Variants in TJP1 observed in about 807,000 individuals in gnomAD.
TJP1 encodes the protein tight junction protein ZO-1.
In TJP1, 43 loss-of-function variants were observed where a neutral mutation model predicts 194.2. That is an observed-to-expected ratio of 0.22 (90% confidence interval 0.17 to 0.29). TJP1 has a LOEUF of 0.29. Ranked by LOEUF, TJP1 falls within the 10% of genes least tolerant of loss-of-function variation. TJP1 has a pLI of 1.00. For synonymous variants in TJP1, 801 were observed against 779.0 expected, an observed-to-expected ratio of 1.03 and a Z score of -0.47; for missense variants, 1,971 against 2,185.7, an observed-to-expected ratio of 0.90 and a Z score of 1.96.
intron 1 of TJP1, among the ~76,000 whole-genome samples, chr15:29,814,706 T>C (rs1161333051): frequency 2.0e-5 from 3 of 152,198 alleles, no homozygotes; most frequent in Non-Finnish European, 4.4e-5. Context: ...CTTATGTTCC[T>C]AATTAGAATC....
chr15:29,968,556 G>C, intron 1 of TJP1: 1 of 805,614 alleles, frequency 1.2e-6, no homozygotes, highest in South Asian at 5.4e-5. Flanking sequence ...CGACAGTCGC[G>C]GCCTCGCCCC....
At chr15:29,744,177 C>CA (rs1049768096) in intron 8 of TJP1, among the ~76,000 whole-genome samples, 21 of 151,274 alleles carry the variant, frequency 1.4e-4, no homozygotes, top group African/African-American at 4.9e-4. Flanking sequence ...GACTCTGTCT[C>CA]AAAAAAAAGA....
At chr15:29,717,356 GTTCTC>G (rs1453010300) in intron 22 of TJP1, among the ~76,000 whole-genome samples, 12 of 152,342 alleles carry the variant, frequency 7.9e-5, no homozygotes, top group African/African-American at 2.9e-4. Flanking sequence ...ATATTAGACA[GTTCTC>G]TTCTTTATCC....
intron 2 of TJP1, among the ~76,000 whole-genome samples, chr15:29,857,611 A>G (rs2051909651): frequency 6.6e-6 from 1 of 152,192 alleles, no homozygotes; most frequent in Non-Finnish European, 1.5e-5. Context: ...GCAGAACTGA[A>G]TACTGATGTC....
At chr15:29,764,312 T>C (rs2046196557) in intron 5 of TJP1, among the ~76,000 whole-genome samples, 1 of 151,914 alleles carries the variant, frequency 6.6e-6, no homozygotes, top group African/African-American at 2.4e-5. Flanking sequence ...AGGGGATGCA[T>C]GGGGTGAGTG....
intron 2 of TJP1, among the ~76,000 whole-genome samples, chr15:29,930,791 T>A (rs568049332): frequency 6.6e-6 from 1 of 152,306 alleles, no homozygotes; most frequent in African/African-American, 2.4e-5. Context: ...TCTGTCATAA[T>A]GTGCAGAGAA....
Position 29,822,408 on chromosome 15 carries a change from G to C in TJP1, c.-380C>G. On this transcript the variant is annotated 5_prime_UTR_variant, in exon 1 of 28. Transcript: ENST00000614355. Reference sequence around the variant, plus strand: ...TTCGCCACGTAACTTCCCGGGAACCGGCGGCCGCCAAGGAACGCGGCGTCC... The same window carrying C: ...TTCGCCACGTAACTTCCCGGGAACCCGCGGCCGCCAAGGAACGCGGCGTCC... 1.0e-6 allele frequency: 1 copy of C among 995,896 alleles called. No homozygotes were observed. The highest frequency in any genetic ancestry group is 1.7e-5 in the African/African-American group (1 of 57,774). 61.7% of individuals were successfully genotyped at this position (995,896 alleles called of 1,614,324 possible).
chr15:29,949,842 CAA>C (rs2055580429), intron 2 of TJP1, among the ~76,000 whole-genome samples: 3 of 59,752 alleles, frequency 5.0e-5, no homozygotes, highest in African/African-American at 7.5e-5. Flanking sequence ...ACCACCTCCA[CAA>C]CCACCACCTC....
intron 2 of TJP1, among the ~76,000 whole-genome samples, chr15:29,834,304 C>A (rs2050952435): frequency 6.6e-6 from 1 of 151,746 alleles, no homozygotes; most frequent in Non-Finnish European, 1.5e-5. Flanking sequence ...TCACTGCATC[C>A]TCCACCTCCC....
At chr15:29,831,603 G>A (rs2050839046) in intron 2 of TJP1, among the ~76,000 whole-genome samples, 1 of 152,128 alleles carries the variant, frequency 6.6e-6, no homozygotes, top group African/African-American at 2.4e-5. Flanking sequence ...AAAGGAAAAT[G>A]GGACTGCTGT....
At chr15:29,850,124 C>G (rs1328583497) in intron 2 of TJP1, among the ~76,000 whole-genome samples, 1 of 152,032 alleles carries the variant, frequency 6.6e-6, no homozygotes, top group African/African-American at 2.4e-5. Flanking sequence ...CTTGGATGGA[C>G]CCTGGATCTA....
At position 29,718,637 on chromosome 15, in the gene TJP1, C is replaced by A. The variant is rs201943761; in HGVS notation, c.3505G>T (p.Gly1169Cys). The change falls in exon 21 of 28, where the codon GGT becomes TGT. Residue 1169 changes from glycine to cysteine, a missense_variant. Around this residue, in one of 5 missense-constraint regions of TJP1, gnomAD observed 1,108 missense variants for 1,128.5 expected, o/e 0.98. Transcript: ENST00000614355. ...GGCTGGGCTTCCGGTCTGAGTCTAC[C>A]ATGTGTGTCATACCCAGGAGCTGGC... ...EQPAPGYDTH[G>C]RLRPEAQPHP... The A allele has an allele frequency of 1.2e-3, 2,004 of 1,614,074 alleles. 1 individual carries two copies. Among genetic ancestry groups the A allele is most frequent in the Non-Finnish European group, 1.6e-3 (1,869 of 1,180,054 alleles).
chr15:29,885,302 T>G (rs1186418590), intron 2 of TJP1, among the ~76,000 whole-genome samples: 1 of 152,188 alleles, frequency 6.6e-6, no homozygotes, highest in African/African-American at 2.4e-5. Context: ...ACCAGGGTCA[T>G]GCAGCCACCC....
At chr15:29,783,886 C>A (rs559172906) in intron 2 of TJP1, among the ~76,000 whole-genome samples, 2 of 152,192 alleles carry the variant, frequency 1.3e-5, no homozygotes, top group East Asian at 1.9e-4. Flanking sequence ...ATAATCTGTA[C>A]AACAAACCCC....
At chr15:29,779,862 T>C (rs554926206) in intron 2 of TJP1, among the ~76,000 whole-genome samples, 2 of 152,226 alleles carry the variant, frequency 1.3e-5, no homozygotes, top group East Asian at 1.9e-4. Flanking sequence ...TGTATCCCCC[T>C]TGAAGTGCAA....
intron 1 of TJP1, among the ~76,000 whole-genome samples, chr15:29,813,439 A>G (rs551099401): frequency 3.2e-4 from 48 of 152,300 alleles, no homozygotes; most frequent in Middle Eastern, 6.8e-3. Flanking sequence ...CGAAACCAAT[A>G]AAGTCCTCAT....
At position 29,705,718 on chromosome 15, in the gene TJP1, A is replaced by G. The variant is rs2041854874; in HGVS notation, c.4878T>C (p.Asp1626=). The G allele has an allele frequency of 1.9e-6, 3 of 1,614,146 alleles. No individual in the cohort carries two copies. Among genetic ancestry groups the G allele is most frequent in the African/African-American group, 2.7e-5 (2 of 75,044 alleles). Residue 1626 remains aspartate (D), a synonymous_variant, in exon 26 of 28, where the codon GAT becomes GAC. Transcript: ENST00000614355. ...VSPSAVEEDE[D]EDGHTVVATA... ...TGGCCACCACAGTATGACCATCTTC[A>G]TCTTCATCCTCTTCCACAGCTGAAG...
intron 2 of TJP1, among the ~76,000 whole-genome samples, chr15:29,843,757 T>C (rs1290147573): frequency 2.0e-5 from 3 of 152,038 alleles, no homozygotes; most frequent in Non-Finnish European, 4.4e-5. Context: ...AGGGCATCTG[T>C]GGGGAAGGCA....
Position 29,777,591 on chromosome 15 carries a change from AT to A in TJP1, c.85-4235del, listed in dbSNP as rs1228565498. Among the ~76,000 whole-genome samples the A allele has an allele frequency of 3.3e-5, 5 of 152,344 alleles. No individual in the cohort carries two copies. The East Asian group carries it at 9.6e-4, about 29-fold the overall frequency. On this transcript the variant is annotated intron_variant, in intron 2 of 27. Coordinates refer to ENST00000614355, the MANE Select transcript of TJP1 (RefSeq NM_001330239.4). ...ACCAAAGAACACCAAGAACAGAAAC[AT>A]TAAAGTATAACATATTTCAGAAAAG... is the stretch of plus-strand genomic sequence containing the variant.
Sources: gnomAD v4.1 joint callset for allele counts (sites outside exome capture counted in the v4.1 genomes callset) on GRCh38, gnomAD v4.1.1 for gene constraint, gnomAD v4.1.1 regional missense constraint, MANE v1.5 for transcripts, NCBI Gene and HGNC (gene_info 2026-07-23, HGNC 2026-07-21) for gene names.